The following PTPRD variants were observed in gnomAD, a reference collection of about 807,000 sequenced individuals.
PTPRD encodes receptor-type tyrosine-protein phosphatase delta.
Under a neutral mutation model 214.5 loss-of-function variants are expected in PTPRD, and 34 were observed. The ratio of observed to expected loss-of-function variants is 0.16; its 90% CI spans 0.12 to 0.21. PTPRD has a LOEUF of 0.21. Among genes scored for constraint, PTPRD ranks in the 10% least tolerant of loss-of-function variants. PTPRD has a pLI of 1.00. For missense variants in PTPRD, 2,545 were observed against 2,398.7 expected, an observed-to-expected ratio of 1.06 and a Z score of -1.27; for synonymous variants, 1,128 against 845.7, an observed-to-expected ratio of 1.33 and a Z score of -5.79.
intron 3 of PTPRD, among the ~76,000 whole-genome samples, chr9:10,159,200 TAATA>T (rs1259707342): frequency 1.3e-5 from 2 of 151,298 alleles, no homozygotes; most frequent in Non-Finnish European, 3.0e-5. Flanking sequence ...AAAAAAGAAA[TAATA>T]AATGAATGAA....
chr9:10,485,218 C>T (rs1337051698), intron 2 of PTPRD, among the ~76,000 whole-genome samples: 1 of 152,010 alleles, frequency 6.6e-6, no homozygotes, highest in African/African-American at 2.4e-5. Flanking sequence ...TTCCATTGGT[C>T]TACGTGTCTG....
chr9:9,997,175 T>C (rs907585473), intron 4 of PTPRD, among the ~76,000 whole-genome samples: 1 of 152,202 alleles, frequency 6.6e-6, no homozygotes, highest in Non-Finnish European at 1.5e-5. Context: ...GTGAGTCAAG[T>C]AGCTATTCTA....
chr9:9,010,512 A>C (rs1238560148), intron 11 of PTPRD, among the ~76,000 whole-genome samples: 1 of 152,172 alleles, frequency 6.6e-6, no homozygotes, highest in Admixed American at 6.5e-5. Context: ...AGATAAAAGG[A>C]AAGAGGAGTT....
Position 10,030,909 on chromosome 9 carries a change from G to C in PTPRD, c.-472+2809C>G, listed in dbSNP as rs115924335. ...TGCTTAAATCTTCATTGTGTTCTGG[G>C]AAAGTAGCAAACCAACTTTTCCCTA... is the stretch of plus-strand genomic sequence containing the variant. On this transcript the variant is annotated intron_variant, in intron 4 of 45. Transcript: ENST00000381196. Among the ~76,000 whole-genome samples the C allele has an allele frequency of 2.9e-3, 449 of 152,288 alleles. 1 individual carries two copies. Among genetic ancestry groups the C allele is most frequent in the African/African-American group, 0.01 (425 of 41,554 alleles).
chr9:9,673,994 G>A (rs1029552606), intron 7 of PTPRD, among the ~76,000 whole-genome samples: 1 of 151,764 alleles, frequency 6.6e-6, no homozygotes, highest in Non-Finnish European at 1.5e-5. Context: ...CAAACAGTGG[G>A]AAAGTTTAGT....
intron 9 of PTPRD, among the ~76,000 whole-genome samples, chr9:9,292,935 A>C (rs1169966297): frequency 6.6e-6 from 1 of 151,502 alleles, no homozygotes; most frequent in Non-Finnish European, 1.5e-5. Context: ...CTAATCCTAT[A>C]CTATCAACAT....
At chr9:9,910,376 T>G (rs1256830331) in intron 5 of PTPRD, among the ~76,000 whole-genome samples, 3 of 151,970 alleles carry the variant, frequency 2.0e-5, no homozygotes, top group Non-Finnish European at 2.9e-5. Context: ...TATAGCAATT[T>G]TCAGTCAACA....
At chr9:9,325,322 G>A (rs1182431757) in intron 9 of PTPRD, among the ~76,000 whole-genome samples, 2 of 152,266 alleles carry the variant, frequency 1.3e-5, no homozygotes, top group East Asian at 3.9e-4. Flanking sequence ...TCCTATCCAT[G>A]AGCATGGAAT....
chr9:9,448,327 G>T (rs760754132), intron 8 of PTPRD, among the ~76,000 whole-genome samples: 1 of 152,006 alleles, frequency 6.6e-6, no homozygotes, highest in Non-Finnish European at 1.5e-5. Context: ...TAATCCTCAC[G>T]TGTCGAGGGT....
At chr9:9,372,237 T>C (rs1019677995) in intron 9 of PTPRD, among the ~76,000 whole-genome samples, 1 of 152,168 alleles carries the variant, frequency 6.6e-6, no homozygotes, top group Non-Finnish European at 1.5e-5. Flanking sequence ...ATTATTATTG[T>C]GTGGGAGTCT....
intron 9 of PTPRD, among the ~76,000 whole-genome samples, chr9:9,394,271 G>A (rs922065097): frequency 4.6e-5 from 7 of 152,060 alleles, no homozygotes; most frequent in Non-Finnish European, 1.0e-4. Flanking sequence ...AAAAATTCTG[G>A]TTGTTCTAAA....
Position 10,137,641 on chromosome 9 carries a change from T to G in PTPRD, c.-544-103851A>C, listed in dbSNP as rs1313641133. On this transcript the variant is annotated intron_variant, in intron 3 of 45. Coordinates refer to ENST00000381196, the MANE Select transcript of PTPRD (RefSeq NM_002839.4). ...GGGTGCAGCGCACCAGCATGGCACATGTATACATATGTAACTAACCTGCAC... is the reference window on the plus strand; with the variant it reads ...GGGTGCAGCGCACCAGCATGGCACAGGTATACATATGTAACTAACCTGCAC... Among the ~76,000 whole-genome samples the G allele has an allele frequency of 6.7e-5, 5 of 74,288 alleles. 2 individuals are homozygous for G. The highest frequency in any genetic ancestry group is 4.9e-5 in the Non-Finnish European group (2 of 40,852). 48.7% of individuals were successfully genotyped at this position (74,288 alleles called of 152,430 possible). A position where few individuals can be genotyped will look rare whatever the true frequency, so the allele number is the denominator to read the frequency against.
chr9:8,925,273 C>A (rs913614667), intron 11 of PTPRD, among the ~76,000 whole-genome samples: 1 of 151,960 alleles, frequency 6.6e-6, no homozygotes. Flanking sequence ...GGTCACCTTC[C>A]TACATTAAAG....
At chr9:9,285,340 C>T (rs533331707) in intron 9 of PTPRD, among the ~76,000 whole-genome samples, 1 of 151,886 alleles carries the variant, frequency 6.6e-6, no homozygotes, top group African/African-American at 2.4e-5. Context: ...TCCTATAATG[C>T]TAATTGCTCT....
intron 8 of PTPRD, among the ~76,000 whole-genome samples, chr9:9,453,552 T>C (rs1588870903): frequency 6.6e-6 from 1 of 151,610 alleles, no homozygotes; most frequent in Admixed American, 6.6e-5. Context: ...GGGATTCTTA[T>C]TACTAAAGGT....
At chr9:10,185,355 C>A (rs2099325267) in intron 3 of PTPRD, among the ~76,000 whole-genome samples, 1 of 152,166 alleles carries the variant, frequency 6.6e-6, no homozygotes, top group African/African-American at 2.4e-5. Context: ...TCGAATGATG[C>A]ATAAACTTCC....
chr9:9,926,181 A>G (rs766302649), intron 5 of PTPRD, among the ~76,000 whole-genome samples: 2 of 152,200 alleles, frequency 1.3e-5, no homozygotes, highest in East Asian at 3.9e-4. Flanking sequence ...CCTATCTTAT[A>G]CTTACCTAAT....
At chr9:8,834,247 T>TA (rs1480065793) in intron 11 of PTPRD, among the ~76,000 whole-genome samples, 1 of 152,132 alleles carries the variant, frequency 6.6e-6, no homozygotes, top group African/African-American at 2.4e-5. Context: ...GAAGCTTTCT[T>TA]ACGTAGATTT....
At chr9:9,509,359 T>C (rs1449150435) in intron 8 of PTPRD, among the ~76,000 whole-genome samples, 1 of 151,468 alleles carries the variant, frequency 6.6e-6, no homozygotes, top group Non-Finnish European at 1.5e-5. Flanking sequence ...TTGAGAAAGT[T>C]AAAATTGTCT....
Sources: gnomAD v4.1 joint callset for allele counts (sites outside exome capture counted in the v4.1 genomes callset) on GRCh38, gnomAD v4.1.1 for gene constraint, MANE v1.5 for transcripts, NCBI Gene and HGNC (gene_info 2026-07-23, HGNC 2026-07-21) for gene names.